STX3: variants seen among roughly 807,000 people sequenced by gnomAD.
STX3 encodes syntaxin 3, also known as syntaxin-3.
Under a neutral mutation model 40.2 loss-of-function variants are expected in STX3, and 19 were observed. The ratio of observed to expected loss-of-function variants is 0.47; its 90% confidence interval spans 0.33 to 0.69. STX3 has a LOEUF of 0.69. STX3 is among the 30% of genes least tolerant of loss of function. The pLI, the probability that STX3 is intolerant of heterozygous loss-of-function variation, is 0.02. For synonymous variants in STX3, 122 were observed against 132.2 expected, an observed-to-expected ratio of 0.92 and a Z score of 0.53; for missense variants, 364 against 366.7, an observed-to-expected ratio of 0.99 and a Z score of 0.06.
At chr11:59,785,896 T>A (rs2134987867) in intron 2 of STX3, among the ~76,000 whole-genome samples, 1 of 152,310 alleles carries the variant, frequency 6.6e-6, no homozygotes, top group South Asian at 2.1e-4. Context: ...TCCCTGTACA[T>A]AGGCTTCCAC....
At chr11:59,800,531 G>A (rs1241153329) in intron 10 of STX3, 1 of 985,308 alleles carries the variant, frequency 1.0e-6, no homozygotes, top group Admixed American at 6.1e-5. Flanking sequence ...CCTGTCTTCA[G>A]GAGCGGTGTT....
intron 1 of STX3, among the ~76,000 whole-genome samples, chr11:59,760,806 G>A (rs896586381): frequency 6.6e-6 from 1 of 152,206 alleles, no homozygotes; most frequent in Admixed American, 6.5e-5. Context: ...AGAATTGAAC[G>A]TGTGTGTCTT....
At chr11:59,794,964 G>C (rs1429494536) in intron 8 of STX3, among the ~76,000 whole-genome samples, 3 of 152,206 alleles carry the variant, frequency 2.0e-5, no homozygotes, top group Non-Finnish European at 4.4e-5. Context: ...ATTCAGGTCT[G>C]AATGACCAGG....
intron 1 of STX3, among the ~76,000 whole-genome samples, chr11:59,756,572 G>C (rs1032059519): frequency 2.0e-5 from 3 of 152,170 alleles, no homozygotes; most frequent in Admixed American, 1.3e-4. Flanking sequence ...AAGTGTAGCA[G>C]CTTAGGCCTG....
At position 59,801,833 on chromosome 11, in the gene STX3, A is replaced by G. The variant is rs1865898284; in HGVS notation, c.*1009A>G. 3 of 985,648 alleles carry G rather than the reference A, an allele frequency of 3.0e-6. No homozygotes were observed. Among genetic ancestry groups the G allele is most frequent in the Non-Finnish European group, 3.6e-6 (3 of 829,864 alleles). The allele number at this position is 985,648 out of a possible 1,614,324, so 61.1% of individuals were successfully genotyped here. ...AGCTATTATGACCTCAAAAAAAAAA[A>G]GCCAACTTTGAGCTAGGATAAAAAT... On this transcript the variant is annotated 3_prime_UTR_variant, in exon 11 of 11. Coordinates refer to ENST00000337979, the MANE Select transcript of STX3 (RefSeq NM_004177.5).
At chr11:59,756,122 C>T (rs1862703508) in intron 1 of STX3, among the ~76,000 whole-genome samples, 1 of 152,152 alleles carries the variant, frequency 6.6e-6, no homozygotes, top group African/African-American at 2.4e-5. Flanking sequence ...GTCAGCTCCT[C>T]TCCAACCGGT....
Position 59,800,932 on chromosome 11 carries a change from C to CCGTCCT in STX3, c.*108_*109insCGTCCT. 1 of 1,536,188 alleles carries CCGTCCT rather than the reference C, an allele frequency of 6.5e-7. No individual in the cohort carries two copies. Among genetic ancestry groups the CCGTCCT allele is most frequent in the Non-Finnish European group, 8.7e-7 (1 of 1,146,834 alleles). ...GGAGTCTGAATGGCCTTCCTGAGAGCGAGTGCGACCCGTTCCTTTGTTTCC... is the reference window on the plus strand; with the variant it reads ...GGAGTCTGAATGGCCTTCCTGAGAGCCGTCCTGAGTGCGACCCGTTCCTTTGTTTCC... On this transcript the variant is annotated 3_prime_UTR_variant, in exon 11 of 11. Coordinates refer to ENST00000337979, the MANE Select transcript of STX3 (RefSeq NM_004177.5).
At chr11:59,785,391 G>A (rs1466632486) in intron 2 of STX3, among the ~76,000 whole-genome samples, 1 of 152,130 alleles carries the variant, frequency 6.6e-6, no homozygotes, top group Non-Finnish European at 1.5e-5. Flanking sequence ...AAATGCAGTG[G>A]CATGATCATG....
At position 59,804,663 on chromosome 11, in the gene STX3, C is replaced by G. The variant is rs1348909998; in HGVS notation, c.*3839C>G. On this transcript the variant is annotated 3_prime_UTR_variant, in exon 11 of 11. Coordinates refer to ENST00000337979, the MANE Select transcript of STX3 (RefSeq NM_004177.5). ...GATGGTGGAGTTCTAGCAACAGCCT[C>G]TTAATCTGTGGAGAAGATGGCTGGC... is the stretch of plus-strand genomic sequence containing the variant. 1 of 152,210 alleles carries G rather than the reference C, an allele frequency of 6.6e-6. No individual in the cohort carries two copies. Among genetic ancestry groups the G allele is most frequent in the Admixed American group, 6.5e-5 (1 of 15,284 alleles). The allele number at this position is 152,210 out of a possible 1,614,324, so 9.4% of individuals were successfully genotyped here.
chr11:59,792,049 G>T, intron 5 of STX3, 58 bp from the exon 6 acceptor site: 1 of 1,347,576 alleles, frequency 7.4e-7, no homozygotes, highest in South Asian at 1.2e-5. Flanking sequence ...GGTGGGGAGG[G>T]GTTCTATAAC....
intron 2 of STX3, chr11:59,781,681 C>T (rs1864391844): frequency 6.2e-7 from 1 of 1,604,032 alleles, no homozygotes; most frequent in Non-Finnish European, 8.5e-7. Context: ...TTGCTGTCCA[C>T]CAGGCGCCAT....
rs755721600 is a variant in STX3, at chr11:59,792,124, G to A, written c.375G>A (p.Arg125=). 12 of 1,613,858 alleles carry A rather than the reference G, an allele frequency of 7.4e-6. No homozygotes were observed. Among genetic ancestry groups the A allele is most frequent in the South Asian group, 1.1e-5 (1 of 91,002 alleles). The change falls in exon 6 of 11, where the codon CGG becomes CGA. Residue 125 remains arginine, a synonymous_variant. Transcript: ENST00000337979. Reference sequence around the variant, plus strand: ...TCCCACAGCACTCTGTCCTTTCTCGGAAGTTTGTGGAGGTGATGACCAAAT... The same window carrying A: ...TCCCACAGCACTCTGTCCTTTCTCGAAAGTTTGTGGAGGTGATGACCAAAT... ...IRKSQHSVLS[R]KFVEVMTKYN...
At chr11:59,777,629 A>T (rs1347725989) in intron 2 of STX3, among the ~76,000 whole-genome samples, 1 of 152,170 alleles carries the variant, frequency 6.6e-6, no homozygotes, top group African/African-American at 2.4e-5. Context: ...CATATGAAGT[A>T]GTTTGGGGTT....
In STX3 at chr11:59,773,220, A is replaced by G; in HGVS notation, c.40A>G (p.Thr14Ala). ...RLEQLKAKQLTQDDDTDAVEI... is the reference protein window; with the variant it reads ...RLEQLKAKQLAQDDDTDAVEI... The stretch of plus-strand genomic sequence containing the variant: ...TTTTTGCCTTTTGCAGAAGCAGCTG[A>G]CACAGGATGATGATACTGATGCGGT... Residue 14 changes from threonine to alanine, a missense_variant, in exon 2 of 11, where the codon ACA (threonine) becomes GCA (alanine). Physicochemically the swap from Thr to Ala is moderately conservative, Grantham distance 58. Coordinates refer to ENST00000337979, the MANE Select transcript of STX3 (RefSeq NM_004177.5). The G allele has an allele frequency of 6.2e-7, 1 of 1,614,140 alleles. No individual in the cohort carries two copies. Among genetic ancestry groups the G allele is most frequent in the Non-Finnish European group, 8.5e-7 (1 of 1,179,990 alleles).
intron 1 of STX3, among the ~76,000 whole-genome samples, chr11:59,762,029 G>C (rs1863064960): frequency 6.6e-6 from 1 of 152,162 alleles, no homozygotes; most frequent in African/African-American, 2.4e-5. Context: ...GATTTCACTA[G>C]TTGTTCCACT....
At chr11:59,762,654 T>A (rs1863095767) in intron 1 of STX3, among the ~76,000 whole-genome samples, 1 of 152,098 alleles carries the variant, frequency 6.6e-6, no homozygotes, top group South Asian at 2.1e-4. Flanking sequence ...CCTCTCTGTG[T>A]CCTTGAGAAC....
chr11:59,791,381 A>G (rs910142681), intron 5 of STX3, among the ~76,000 whole-genome samples: 2 of 152,180 alleles, frequency 1.3e-5, no homozygotes, highest in Non-Finnish European at 2.9e-5. Context: ...TTTGGATCTG[A>G]TGTTATAACT....
intron 1 of STX3, 76 bp downstream of exon 1, chr11:59,755,711 C>G (rs574989049): frequency 2.1e-6 from 3 of 1,458,810 alleles, no homozygotes; most frequent in Admixed American, 4.4e-5. Flanking sequence ...CTCCCCAAGT[C>G]GAGGCTGGAG....
intron 5 of STX3, 37 bp downstream of exon 5, chr11:59,790,623 A>G (rs771513753): frequency 5.0e-5 from 75 of 1,501,338 alleles, no homozygotes; most frequent in South Asian, 7.9e-5. Context: ...AGCTAGTCCA[A>G]TCTCTTATTG....
Sources: allele counts gnomAD v4.1 joint callset (sites outside exome capture counted in the v4.1 genomes callset), GRCh38; gene constraint gnomAD v4.1.1; transcripts MANE v1.5; gene names NCBI Gene and HGNC (gene_info 2026-07-23, HGNC 2026-07-21).